Variants in PTPN13 observed in about 807,000 individuals in gnomAD.
PTPN13 encodes the protein protein tyrosine phosphatase non-receptor type 13.
PTPN13 carries 191 observed loss-of-function variants against 284.0 expected under a neutral mutation model. The ratio of observed to expected loss-of-function variants is 0.67; its 90% CI spans 0.60 to 0.76. The LOEUF (loss-of-function observed/expected upper bound fraction) is 0.76, where lower values mean the gene tolerates loss of function less well. Ranked by LOEUF, PTPN13 falls within the 30% of genes least tolerant of loss-of-function variation. The pLI is 0.00. For missense variants in PTPN13, 2,797 were observed against 2,939.9 expected (o/e 0.95, Z 1.12); for synonymous variants, 986 against 1,022.3 (o/e 0.96, Z 0.68).
chr4:86,610,445 C>T (rs556564142), intron 1 of PTPN13, among the ~76,000 whole-genome samples: 2 of 152,274 alleles, frequency 1.3e-5, no homozygotes, highest in South Asian at 4.1e-4. Context: ...TATTATTATA[C>T]ATAGCCTAAA....
At chr4:86,812,842 TTAAAGGACTACTAACC>T (rs1745395367) in intron 47 of PTPN13, among the ~76,000 whole-genome samples, 1 of 152,014 alleles carries the variant, frequency 6.6e-6, no homozygotes, top group African/African-American at 2.4e-5. Flanking sequence ...GACTCACATT[TTAAAGGACTACTAACC>T]TGCTGTGTTA....
chr4:86,764,155 T>TA lies in PTPN13; in HGVS notation c.4018-437dup, dbSNP rs570427108. Reference sequence around the variant, plus strand: ...GCTTGGGTTAAAAGCTACTGCTTGATATATATTGATTATTAAAGGAAATAA... The same window carrying TA: ...GCTTGGGTTAAAAGCTACTGCTTGATAATATATTGATTATTAAAGGAAATAA... On this transcript the variant is annotated intron_variant, in intron 24 of 47. Coordinates refer to ENST00000411767, the MANE Select transcript of PTPN13 (RefSeq NM_080683.3). Among the ~76,000 whole-genome samples, 516 of 152,306 alleles carry TA rather than the reference T, an allele frequency of 3.4e-3. 3 individuals are homozygous for TA. Among genetic ancestry groups the TA allele is most frequent in the Middle Eastern group, 0.017 (5 of 294 alleles).
chr4:86,641,659 A>G (rs895452139), intron 2 of PTPN13, among the ~76,000 whole-genome samples: 2 of 152,212 alleles, frequency 1.3e-5, no homozygotes, highest in East Asian at 1.9e-4. Context: ...TAATCATGCA[A>G]TTCTAACATG....
intron 10 of PTPN13, among the ~76,000 whole-genome samples, chr4:86,728,643 CTTTTTTTTTTTT>C (rs57773658): frequency 4.5e-4 from 11 of 24,502 alleles, no homozygotes; most frequent in African/African-American, 1.2e-3. Flanking sequence ...CAACCCCTGC[CTTTTTTTTTTTT>C]TTTTTTTTTT....
At chr4:86,604,927 C>T (rs2149170190) in intron 1 of PTPN13, among the ~76,000 whole-genome samples, 1 of 152,010 alleles carries the variant, frequency 6.6e-6, no homozygotes, top group East Asian at 1.9e-4. Flanking sequence ...TAATGATTAA[C>T]TGCAATGAAA....
rs548864200 is a variant in PTPN13, at chr4:86,676,829, A to C, written c.294+4286A>C. Among the ~76,000 whole-genome samples, 48 of 152,332 alleles carry C rather than the reference A, an allele frequency of 3.2e-4. 1 individual carries two copies. Among genetic ancestry groups the C allele is most frequent in the African/African-American group, 1.1e-3 (46 of 41,582 alleles). ...AAGTAGTCAAAATCATAGAAACAAA[A>C]AGTAGAAAGGTGATTGCCAAGGACT... On this transcript the variant is annotated intron_variant, in intron 3 of 47. Transcript: ENST00000411767.
At chr4:86,751,290 T>C (rs1006524612) in intron 19 of PTPN13, among the ~76,000 whole-genome samples, 166 bp downstream of exon 19, 1 of 152,180 alleles carries the variant, frequency 6.6e-6, no homozygotes, top group Non-Finnish European at 1.5e-5. Flanking sequence ...TACCACTTGA[T>C]TTAACAAGTG....
At chr4:86,749,569 TA>T (rs1334455396) in intron 17 of PTPN13, among the ~76,000 whole-genome samples, 1 of 152,256 alleles carries the variant, frequency 6.6e-6, no homozygotes, top group Non-Finnish European at 1.5e-5. Flanking sequence ...TTGCTTTTGT[TA>T]TTAGCCTCAA....
chr4:86,652,794 T>C (rs1447416788), intron 2 of PTPN13, among the ~76,000 whole-genome samples: 4 of 152,170 alleles, frequency 2.6e-5, no homozygotes, highest in Non-Finnish European at 4.4e-5. Context: ...TGGATATTCA[T>C]ACTGTAGGTT....
intron 1 of PTPN13, among the ~76,000 whole-genome samples, chr4:86,621,147 G>A (rs536545603): frequency 3.1e-4 from 43 of 138,504 alleles, no homozygotes; most frequent in East Asian, 1.9e-4. Context: ...TGGGGTACAC[G>A]TGGGGATCAC....
At chr4:86,680,343 CTATCTCTATCTA>C (rs1317277964) in intron 3 of PTPN13, among the ~76,000 whole-genome samples, 3 of 142,410 alleles carry the variant, frequency 2.1e-5, no homozygotes, top group Non-Finnish European at 4.6e-5. Context: ...TCCTTTCTAT[CTATCTCTATCTA>C]TCTATCTATC....
chr4:86,734,063 T>G (rs1487838777), intron 12 of PTPN13, among the ~76,000 whole-genome samples: 1 of 152,206 alleles, frequency 6.6e-6, no homozygotes, highest in East Asian at 1.9e-4. Flanking sequence ...GTAAATGTTG[T>G]GACCAGGTGT....
chr4:86,734,704 G>A (rs1420762171), intron 13 of PTPN13, 33 bp from the exon 14 acceptor site: 1 of 1,581,228 alleles, frequency 6.3e-7, no homozygotes, highest in Admixed American at 1.7e-5. Context: ...CAAAATCAAA[G>A]GCCAAGATGT....
At chr4:86,601,365 A>T (rs1335784163) in intron 1 of PTPN13, among the ~76,000 whole-genome samples, 1 of 152,138 alleles carries the variant, frequency 6.6e-6, no homozygotes, top group Non-Finnish European at 1.5e-5. Context: ...AATGAAAAAC[A>T]GGATATGTGT....
intron 3 of PTPN13, among the ~76,000 whole-genome samples, chr4:86,681,569 G>C (rs180951017): frequency 6.6e-6 from 1 of 152,292 alleles, no homozygotes; most frequent in African/African-American, 2.4e-5. Flanking sequence ...TCTTGCCTCT[G>C]TCAGTTAAAT....
chr4:86,790,115 C>T (rs1158845082), intron 40 of PTPN13, among the ~76,000 whole-genome samples: 2 of 152,054 alleles, frequency 1.3e-5, no homozygotes, highest in African/African-American at 4.8e-5. Context: ...AATAAGAAAT[C>T]CAAATGACTT....
At chr4:86,701,152 T>A in intron 6 of PTPN13, 89 bp from the exon 7 acceptor site, 2 of 988,148 alleles carry the variant, frequency 2.0e-6, no homozygotes, top group Non-Finnish European at 2.9e-6. Flanking sequence ...TTTAGGAAAT[T>A]GCCACCACTT....
rs1292178012 is a variant in PTPN13 at position 86,762,836 on chromosome 4, A to G, written c.3663A>G (p.Ser1221=). The change falls in exon 24 of 48, where the codon TCA becomes TCG. Residue 1221 remains serine, a synonymous_variant. Coordinates refer to ENST00000411767, the MANE Select transcript of PTPN13 (RefSeq NM_080683.3). ...IDSSSKDHHW[S]RGTLRHISEN... ...CTTCTTCCAAGGATCACCACTGGTC[A>G]CGTGGTACCCTGAGGCACATCTCGG... 6.2e-7 allele frequency: 1 copy of G among 1,613,804 alleles called. No homozygotes were observed. Among genetic ancestry groups the G allele is most frequent in the South Asian group, 1.1e-5 (1 of 91,072 alleles).
rs1208426210 is a variant in PTPN13 at position 86,764,703 on chromosome 4, C to T, written c.4128C>T (p.Asn1376=). The change falls in exon 25 of 48, where the codon AAC becomes AAT. Residue 1376 remains asparagine (N), a synonymous_variant. Coordinates refer to ENST00000411767, the MANE Select transcript of PTPN13 (RefSeq NM_080683.3). ...AGGTTGAACTGGCTAAAAATGATAACAGCTTGGGGATAAGTGTCACGGTAC... is the reference window on the plus strand; with the variant it reads ...AGGTTGAACTGGCTAAAAATGATAATAGCTTGGGGATAAGTGTCACGGTAC... The part of the protein sequence containing the change: ...IFEVELAKND[N]SLGISVTGGV... 1.2e-6 allele frequency: 2 copies of T among 1,605,748 alleles called. No individual in the cohort carries two copies. The highest frequency in any genetic ancestry group is 1.7e-6 in the Non-Finnish European group (2 of 1,178,006).
Sources: gnomAD v4.1 joint callset for allele counts (sites outside exome capture counted in the v4.1 genomes callset) on GRCh38, gnomAD v4.1.1 for gene constraint, MANE v1.5 for transcripts, NCBI Gene and HGNC (gene_info 2026-07-23, HGNC 2026-07-21) for gene names.